Variants in ZNF827 observed in about 807,000 individuals in gnomAD.
ZNF827 encodes zinc finger protein 827.
Under a neutral mutation model 102.4 loss-of-function variants are expected in ZNF827, and 13 were observed. That is an observed-to-expected ratio of 0.13 (90% CI 0.08 to 0.20). The LOEUF (loss-of-function observed/expected upper bound fraction) is 0.20, where lower values mean the gene tolerates loss of function less well. ZNF827 is among the 10% of genes least tolerant of loss of function. The pLI, the probability that ZNF827 is intolerant of heterozygous loss-of-function variation, is 1.00. For missense variants in ZNF827, 1,103 were observed against 1,344.4 expected, an observed-to-expected ratio of 0.82 and a Z score of 2.81; for synonymous variants, 523 against 536.2, an observed-to-expected ratio of 0.98 and a Z score of 0.34.
Position 145,760,743 on chromosome 4 carries a change from T to TTG in ZNF827, c.*871_*872dup. The TTG allele has an allele frequency of 9.7e-7, 1 of 1,030,710 alleles. No individual in the cohort carries two copies. Among genetic ancestry groups the TTG allele is most frequent in the Non-Finnish European group, 1.2e-6 (1 of 852,568 alleles). The allele number at this position is 1,030,710 out of a possible 1,614,324, so 63.8% of individuals were successfully genotyped here. A position where few individuals can be genotyped will look rare whatever the true frequency, so the allele number is the denominator to read the frequency against. ...TGGTTTTTTTTTTTTTTTTTGTCTT[T>TTG]TGTCTCTCTGTTTTTGGTACAGAAC... On this transcript the variant is annotated 3_prime_UTR_variant, in exon 15 of 15. Coordinates refer to ENST00000508784, the MANE Select transcript of ZNF827 (RefSeq NM_001306215.2).
In ZNF827 at chr4:145,759,934, C is replaced by G. The variant is rs989256708; in HGVS notation, c.*1682G>C. 1.3e-5 allele frequency: 2 copies of G among 152,198 alleles called. No homozygotes were observed. The highest frequency in any genetic ancestry group is 2.4e-5 in the African/African-American group (1 of 41,432). The allele number at this position is 152,198 out of a possible 1,614,324, so 9.4% of individuals were successfully genotyped here. ...TAATCTGCCCTTAAAAAATGATGCA[C>G]TGTGTGTGTGCACCGTACACATTTG... On this transcript the variant is annotated 3_prime_UTR_variant, in exon 15 of 15. Transcript: ENST00000508784.
chr4:145,775,247 A>G (rs577588582), intron 10 of ZNF827, among the ~76,000 whole-genome samples: 1 of 152,198 alleles, frequency 6.6e-6, no homozygotes, highest in Non-Finnish European at 1.5e-5. Context: ...GCAACTCTCT[A>G]GGACAAGATT....
intron 8 of ZNF827, among the ~76,000 whole-genome samples, chr4:145,821,932 T>C (rs1204209438): frequency 1.3e-5 from 2 of 152,176 alleles, no homozygotes; most frequent in Non-Finnish European, 2.9e-5. Flanking sequence ...ATATATATCA[T>C]GGGATGCTGG....
chr4:145,767,949 C>A (rs1735569713), intron 11 of ZNF827, among the ~76,000 whole-genome samples: 1 of 152,064 alleles, frequency 6.6e-6, no homozygotes. Context: ...TGGATAAATT[C>A]ATAATTTTTA....
At chr4:145,925,035 G>T (rs781196760) in intron 1 of ZNF827, among the ~76,000 whole-genome samples, 4 of 152,166 alleles carry the variant, frequency 2.6e-5, no homozygotes, top group Admixed American at 6.5e-5. Flanking sequence ...AATCACAGTG[G>T]AAGGCAAAGG....
intron 9 of ZNF827, 63 bp downstream of exon 9, chr4:145,779,311 C>T (rs1175186648): frequency 4.5e-6 from 7 of 1,556,320 alleles, no homozygotes; most frequent in South Asian, 2.5e-5. Flanking sequence ...ACTCAGTTTC[C>T]GGAGAGTAAA....
chr4:145,803,393 T>G (rs1249948982), intron 8 of ZNF827, among the ~76,000 whole-genome samples: 1 of 151,356 alleles, frequency 6.6e-6, no homozygotes, highest in East Asian at 1.9e-4. Flanking sequence ...GAAAAAAAAA[T>G]GAGCTCAAGC....
rs140134031 is a variant in ZNF827 at position 145,857,910 on chromosome 4, A to T, written c.1982-8349T>A. ...TTTAAAAAAAATTAACCTATTTTTC[A>T]TCTAATGTCCAGAATATACTTTTCC... On this transcript the variant is annotated intron_variant, in intron 5 of 14. Transcript: ENST00000508784. 1.4e-4 allele frequency among the ~76,000 whole-genome samples: 21 copies of T among 152,308 alleles called. No homozygotes were observed. The East Asian group carries it at 3.7e-3, about 27-fold the overall frequency.
At chr4:145,777,604 T>A (rs1737319474) in intron 9 of ZNF827, among the ~76,000 whole-genome samples, 1 of 152,200 alleles carries the variant, frequency 6.6e-6, no homozygotes, top group African/African-American at 2.4e-5. Context: ...TTCTTTAACA[T>A]CTTCCACATT....
In ZNF827 at chr4:145,902,728, C is replaced by G. The variant is rs1246084736; in HGVS notation, c.531G>C (p.Gln177His). The change falls in exon 2 of 15, where the codon CAG (glutamine) becomes CAC (histidine). Residue 177 changes from glutamine (Q) to histidine (H), a missense_variant. Gln to His is a conservative substitution (Grantham distance 24). Around this residue, in one of 5 missense-constraint regions of ZNF827, gnomAD observed 441 missense variants for 458.6 expected, o/e 0.96. Coordinates refer to ENST00000508784, the MANE Select transcript of ZNF827 (RefSeq NM_001306215.2). This position sits in a 1 kb window ranked among gnomAD's most constrained non-coding sequence, Gnocchi z 4.3. ...TTGGAGTGTATTGGTCATTCTGTTC[C>G]TGCTTCTCGGCCAACTTCCTGGCCA... is the stretch of plus-strand genomic sequence containing the variant. ...SVLARKLAEK[Q>H]EQNDQYTPSN... 6.2e-7 allele frequency: 1 copy of G among 1,613,932 alleles called. No individual in the cohort carries two copies. The highest frequency in any genetic ancestry group is 1.3e-5 in the African/African-American group (1 of 74,878).
intron 8 of ZNF827, among the ~76,000 whole-genome samples, chr4:145,781,047 T>G (rs1432298168): frequency 1.3e-5 from 2 of 151,542 alleles, no homozygotes; most frequent in Admixed American, 1.3e-4. Flanking sequence ...ATACAAAAAT[T>G]TAGCCGGGCG....
intron 2 of ZNF827, among the ~76,000 whole-genome samples, chr4:145,896,416 C>T (rs1750977702): frequency 6.6e-6 from 1 of 152,052 alleles, no homozygotes; most frequent in Admixed American, 6.6e-5. Flanking sequence ...AAAAAAGAGA[C>T]ATGGAAAAGA....
chr4:145,907,762 G>C (rs1561067958), intron 1 of ZNF827, among the ~76,000 whole-genome samples: 1 of 151,920 alleles, frequency 6.6e-6, no homozygotes, highest in Non-Finnish European at 1.5e-5. Flanking sequence ...AACAACCTCT[G>C]TCTCTGACTG....
intron 2 of ZNF827, among the ~76,000 whole-genome samples, chr4:145,901,510 A>G (rs1561057967): frequency 1.3e-5 from 2 of 152,214 alleles, no homozygotes; most frequent in Non-Finnish European, 2.9e-5. Context: ...ACATTCCTTC[A>G]AAATTGGATT....
intron 5 of ZNF827, among the ~76,000 whole-genome samples, chr4:145,856,316 A>G (rs1275175671): frequency 6.6e-6 from 1 of 152,172 alleles, no homozygotes; most frequent in African/African-American, 2.4e-5. Flanking sequence ...TTTATGTTCT[A>G]TAAAGGATCG....
chr4:145,915,268 A>G (rs983479670), intron 1 of ZNF827, among the ~76,000 whole-genome samples: 1 of 152,126 alleles, frequency 6.6e-6, no homozygotes, highest in Non-Finnish European at 1.5e-5. Flanking sequence ...ACCAACATGG[A>G]GAAATCCCGT....
intron 1 of ZNF827, among the ~76,000 whole-genome samples, chr4:145,920,485 A>G (rs1261669884): frequency 1.3e-5 from 2 of 152,198 alleles, no homozygotes; most frequent in African/African-American, 4.8e-5. Context: ...CTTCTGGGCA[A>G]GTCTCCTCAG....
At chr4:145,937,330 T>C (rs1377297732) in intron 1 of ZNF827, among the ~76,000 whole-genome samples, 1 of 151,886 alleles carries the variant, frequency 6.6e-6, no homozygotes, top group Non-Finnish European at 1.5e-5. Flanking sequence ...ACTTTAGTCC[T>C]GGACTCTGCT....
intron 8 of ZNF827, among the ~76,000 whole-genome samples, chr4:145,809,228 A>AT (rs1445325585): frequency 3.3e-5 from 5 of 152,160 alleles, no homozygotes; most frequent in Non-Finnish European, 7.3e-5. Flanking sequence ...ATGAAAAGAT[A>AT]TTTTCTCCTT....
Sources: gnomAD v4.1 joint callset for allele counts (sites outside exome capture counted in the v4.1 genomes callset) on GRCh38, gnomAD v4.1.1 for gene constraint, gnomAD v4.1.1 regional missense constraint, Gnocchi (gnomAD v3.1) non-coding constraint, MANE v1.5 for transcripts, NCBI Gene and HGNC (gene_info 2026-07-23, HGNC 2026-07-21) for gene names.